ERICH1: variants seen among roughly 807,000 people sequenced by gnomAD.
ERICH1 encodes glutamate rich 1.
ERICH1 carries 56 observed loss-of-function variants against 39.6 expected under a neutral mutation model. The observed-to-expected ratio is 1.41, with a 90% CI of 1.14 to 1.77. The LOEUF is 1.77. ERICH1 is among the 40% of genes most tolerant of loss of function. The pLI, the probability that ERICH1 is intolerant of heterozygous loss-of-function variation, is 0.00. For missense variants in ERICH1, 826 were observed against 575.4 expected (o/e 1.44, Z -4.45); for synonymous variants, 313 against 223.6 (o/e 1.40, Z -3.57).
At chr8:671,295 C>T (rs76688216) in intron 4 of ERICH1, among the ~76,000 whole-genome samples, 1 of 126,242 alleles carries the variant, frequency 7.9e-6, no homozygotes, top group South Asian at 2.6e-4. Flanking sequence ...CCCCAGGCTC[C>T]GACCTCTGAA....
At chr8:635,541 C>T (rs1233408178) in intron 3 of ERICH1, among the ~76,000 whole-genome samples, 1 of 152,202 alleles carries the variant, frequency 6.6e-6, no homozygotes, top group South Asian at 2.1e-4. Context: ...AGATCACAGC[C>T]CGCAGGCGGC....
intron 3 of ERICH1, among the ~76,000 whole-genome samples, chr8:644,204 C>T (rs1170836423): frequency 2.6e-5 from 4 of 151,658 alleles, no homozygotes; most frequent in Admixed American, 6.6e-5. Context: ...CTAAGGCAAG[C>T]GCCTGGCCTC....
At chr8:629,822 CA>C (rs1797863616) in intron 3 of ERICH1, among the ~76,000 whole-genome samples, 13 of 134,666 alleles carry the variant, frequency 9.7e-5, no homozygotes, top group African/African-American at 3.7e-4. Context: ...AGCACCCACA[CA>C]GACAAAGCTG....
At chr8:729,961 C>G (rs2132512864) in intron 1 of ERICH1, among the ~76,000 whole-genome samples, 1 of 152,166 alleles carries the variant, frequency 6.6e-6, no homozygotes, top group East Asian at 1.9e-4. Context: ...AGGAGAAAAC[C>G]TGCAGTAGCA....
chr8:701,114 G>GGAAAA (rs55810002), intron 2 of ERICH1, among the ~76,000 whole-genome samples: 108,446 of 151,322 alleles, frequency 0.72, 39,883 homozygotes, highest in Non-Finnish European at 0.8. Context: ...AAACACACAT[G>GGAAAA]GCCAAGGGCC....
chr8:626,716 C>CGCCG, intron 3 of ERICH1: 1 of 175,662 alleles, frequency 5.7e-6, no homozygotes. Context: ...TGGCGTCTGT[C>CGCCG]TCTCATCGCG....
At chr8:670,087 T>C (rs749586047) in intron 4 of ERICH1, among the ~76,000 whole-genome samples, 6 of 152,190 alleles carry the variant, frequency 3.9e-5, no homozygotes, top group Non-Finnish European at 8.8e-5. Context: ...CCACTCTGCA[T>C]TCTGGGGACT....
chr8:663,209 G>C (rs1246630749), downstream of ERICH1, among the ~76,000 whole-genome samples: 1 of 152,246 alleles, frequency 6.6e-6, no homozygotes, highest in Non-Finnish European at 1.5e-5. Context: ...GGAGGGAAGT[G>C]GCAGGACAGG....
intron 2 of ERICH1, among the ~76,000 whole-genome samples, chr8:701,287 G>A (rs1431437574): frequency 1.3e-5 from 2 of 151,164 alleles, no homozygotes; most frequent in East Asian, 2.0e-4. Context: ...GGTCTGCCCC[G>A]CCGGACGGGA....
At chr8:619,114 A>C (rs1223843589) in intron 3 of ERICH1, among the ~76,000 whole-genome samples, 1 of 151,720 alleles carries the variant, frequency 6.6e-6, no homozygotes, top group Non-Finnish European at 1.5e-5. Flanking sequence ...CTCTCTACAG[A>C]TGTGGAAAAG....
At chr8:717,601 T>C (rs534305764) in intron 1 of ERICH1, among the ~76,000 whole-genome samples, 2 of 152,320 alleles carry the variant, frequency 1.3e-5, no homozygotes, top group South Asian at 4.1e-4. Flanking sequence ...GCAGATAAGA[T>C]GCACTTTATC....
intron 1 of ERICH1, among the ~76,000 whole-genome samples, chr8:723,093 C>A (rs1817716184): frequency 6.6e-6 from 1 of 152,160 alleles, no homozygotes; most frequent in Non-Finnish European, 1.5e-5. Flanking sequence ...TGGTGATGAG[C>A]TCTTGGAGAT....
chr8:688,772 C>G (rs1022439320), intron 3 of ERICH1, among the ~76,000 whole-genome samples: 1 of 152,204 alleles, frequency 6.6e-6, no homozygotes, highest in African/African-American at 2.4e-5. Flanking sequence ...AAGCTGAAAT[C>G]TGAGCTTCCT....
In ERICH1 at chr8:633,835, C is replaced by A. The variant is rs1344005513; in HGVS notation, c.977-18551G>T. ...ATGGTGCTGGGAAACAGGACATCCA[C>A]ACGCAAAGGAATGAAATTGGCCCCT... On this transcript the variant is annotated intron_variant, in intron 3 of 3. Transcript: ENST00000522706. Among the ~76,000 whole-genome samples the A allele has an allele frequency of 5.3e-5, 8 of 152,222 alleles. 2 individuals carry two copies.
At chr8:697,819 A>G (rs1056566166) in intron 2 of ERICH1, among the ~76,000 whole-genome samples, 4 of 152,292 alleles carry the variant, frequency 2.6e-5, no homozygotes, top group South Asian at 4.1e-4. Flanking sequence ...TGGGTCTGAG[A>G]GACACAGCAG....
At chr8:658,034 T>A (rs10090260) in intron 3 of ERICH1, among the ~76,000 whole-genome samples, 1 of 152,110 alleles carries the variant, frequency 6.6e-6, no homozygotes, top group Non-Finnish European at 1.5e-5. Flanking sequence ...CCACGGACCA[T>A]GTTTGAGAGA....
At chr8:715,661 T>A (rs1238553865) in intron 2 of ERICH1, among the ~76,000 whole-genome samples, 200 bp downstream of exon 2, 1 of 152,252 alleles carries the variant, frequency 6.6e-6, no homozygotes, top group Non-Finnish European at 1.5e-5. Context: ...CACCCTGACC[T>A]GGCCTTGGCT....
At chr8:717,466 G>A (rs1048561936) in intron 1 of ERICH1, among the ~76,000 whole-genome samples, 2 of 152,182 alleles carry the variant, frequency 1.3e-5, no homozygotes, top group African/African-American at 4.8e-5. Context: ...GTGCTCCCAG[G>A]TATGTTCAAA....
intron 2 of ERICH1, among the ~76,000 whole-genome samples, chr8:693,668 C>T (rs985709238): frequency 5.3e-5 from 8 of 151,940 alleles, no homozygotes; most frequent in Non-Finnish European, 2.9e-5. Flanking sequence ...GTGGCTGGAA[C>T]CTCCCTGCTG....
Sources: allele counts gnomAD v4.1 joint callset (sites outside exome capture counted in the v4.1 genomes callset), GRCh38; gene constraint gnomAD v4.1.1; transcripts MANE v1.5; gene names NCBI Gene and HGNC (gene_info 2026-07-23, HGNC 2026-07-21).